The following RPS6KA2 variants were observed in gnomAD, a reference collection of about 807,000 sequenced individuals.
The protein encoded by RPS6KA2 is ribosomal protein S6 kinase A2, also known as ribosomal protein S6 kinase alpha-2.
In RPS6KA2, 42 loss-of-function variants were observed where a neutral mutation model predicts 91.8. The ratio of observed to expected loss-of-function variants is 0.46; its 90% CI spans 0.36 to 0.59. RPS6KA2 has a LOEUF of 0.59. RPS6KA2 is among the 20% of genes least tolerant of loss of function. The pLI, the probability that RPS6KA2 is intolerant of heterozygous loss-of-function variation, is 0.00. For synonymous variants in RPS6KA2, 414 were observed against 393.6 expected (o/e 1.05, Z -0.61); for missense variants, 798 against 978.5 (o/e 0.82, Z 2.46).
intron 2 of RPS6KA2, among the ~76,000 whole-genome samples, chr6:166,714,975 T>A (rs1789971019): frequency 6.6e-6 from 1 of 152,226 alleles, no homozygotes; most frequent in Admixed American, 6.5e-5. Context: ...TCCCTTCCCG[T>A]CCGGCCTGTG....
At position 166,445,436 on chromosome 6, in the gene RPS6KA2, G is replaced by A. The variant is rs551530643; in HGVS notation, c.1332+3288C>T. On this transcript the variant is annotated intron_variant, in intron 14 of 20. Transcript: ENST00000265678. The surrounding 1 kb of genome is among the most constrained non-coding windows in gnomAD (Gnocchi z 4.5). ...GGCTGGGCTTCTCAACCTTTCGTTG[G>A]GGCAGCAGGTTGTGGGGGCTGTCCT... Among the ~76,000 whole-genome samples the A allele has an allele frequency of 8.1e-4, 124 of 152,262 alleles. 1 individual carries two copies. The highest frequency in any genetic ancestry group is 1.6e-3 in the Non-Finnish European group (108 of 68,008).
At chr6:166,485,307 T>G (rs1781367336) in intron 10 of RPS6KA2, among the ~76,000 whole-genome samples, 1 of 152,042 alleles carries the variant, frequency 6.6e-6, no homozygotes. Flanking sequence ...GAGAGATGAG[T>G]GGAAATGGCA....
intron 3 of RPS6KA2, among the ~76,000 whole-genome samples, chr6:166,530,901 C>G (rs948922358): frequency 2.0e-5 from 3 of 152,258 alleles, no homozygotes; most frequent in African/African-American, 7.2e-5. Context: ...CTGCCGGTAT[C>G]GAGGCTGGTT....
intron 10 of RPS6KA2, among the ~76,000 whole-genome samples, chr6:166,487,820 T>C (rs1370018421): frequency 6.6e-6 from 1 of 152,238 alleles, no homozygotes; most frequent in East Asian, 1.9e-4. Context: ...ATCACAGTTA[T>C]ACTTCAATTA....
intron 2 of RPS6KA2, among the ~76,000 whole-genome samples, chr6:166,534,454 C>G (rs759257380): frequency 5.9e-5 from 9 of 152,080 alleles, no homozygotes; most frequent in Non-Finnish European, 1.0e-4. Context: ...TTCACAATAT[C>G]CTGAGTGGGT....
intron 11 of RPS6KA2, chr6:166,465,203 G>C (rs1406648343): frequency 6.6e-6 from 1 of 152,230 alleles, no homozygotes; most frequent in African/African-American, 2.4e-5. Flanking sequence ...ACGGCTTTTG[G>C]TGTTAACAGT....
chr6:166,468,902 A>G (rs1780646376), intron 11 of RPS6KA2, among the ~76,000 whole-genome samples: 2 of 152,008 alleles, frequency 1.3e-5, no homozygotes, highest in African/African-American at 4.8e-5. Flanking sequence ...GAAAGCAGAT[A>G]ATAAACTCTA....
At chr6:166,506,003 A>C (rs985206263) in intron 5 of RPS6KA2, among the ~76,000 whole-genome samples, 1 of 152,192 alleles carries the variant, frequency 6.6e-6, no homozygotes, top group African/African-American at 2.4e-5. Flanking sequence ...AATAGCAGGA[A>C]GTTTCTCCAT....
rs142272173 is a variant in RPS6KA2, at chr6:166,453,126, G to A, written c.1076-1893C>T. ...TGAGGCAGGAGAATTGCATGAACCC[G>A]GGAGGCGGAGGTTGCAGTGAGCCAA... On this transcript the variant is annotated intron_variant, in intron 12 of 20. Coordinates refer to ENST00000265678, the MANE Select transcript of RPS6KA2 (RefSeq NM_021135.6). 1.9e-3 allele frequency among the ~76,000 whole-genome samples: 289 copies of A among 152,038 alleles called. 1 individual carries two copies. The highest frequency in any genetic ancestry group is 2.9e-3 in the Non-Finnish European group (196 of 67,990).
In RPS6KA2 at chr6:166,687,742, A is replaced by G. The variant is rs1031471138; in HGVS notation, c.124-148958T>C. ...ACAAATTTAAGTTGGGCACGTTTAA[A>G]TGAAGCGCAGCATTGCGTCGGCGGC... On this transcript the variant is annotated intron_variant, in intron 2 of 21. Transcript: ENST00000503859. 3.9e-5 allele frequency among the ~76,000 whole-genome samples: 6 copies of G among 152,374 alleles called. 1 individual carries two copies. The highest frequency in any genetic ancestry group is 4.1e-4 in the South Asian group (2 of 4,832).
At chr6:166,416,043 TCCA>T (rs1341622210) in intron 19 of RPS6KA2, among the ~76,000 whole-genome samples, 118 of 134,572 alleles carry the variant, frequency 8.8e-4, no homozygotes, top group Middle Eastern at 4.2e-3. Context: ...CTTCACCACC[TCCA>T]CCATCATCCT....
intron 2 of RPS6KA2, among the ~76,000 whole-genome samples, chr6:166,784,951 G>A (rs1032404031): frequency 1.3e-5 from 2 of 152,236 alleles, no homozygotes; most frequent in African/African-American, 2.4e-5. Flanking sequence ...CTGAGCTGGG[G>A]CTGGGAGGAT....
intron 2 of RPS6KA2, among the ~76,000 whole-genome samples, chr6:166,851,420 G>A (rs376547288): frequency 1.2e-3 from 187 of 152,330 alleles, no homozygotes; most frequent in Non-Finnish European, 2.5e-3. Context: ...GTGATCGGAT[G>A]AGCACAATTT....
At chr6:166,537,294 T>G (rs780357521) in intron 2 of RPS6KA2, among the ~76,000 whole-genome samples, 2 of 152,250 alleles carry the variant, frequency 1.3e-5, no homozygotes, top group Non-Finnish European at 2.9e-5. Context: ...ATGGAGAAAA[T>G]TATTCTCCTC....
At chr6:166,641,397 T>G (rs989218957) in intron 2 of RPS6KA2, among the ~76,000 whole-genome samples, 1 of 151,926 alleles carries the variant, frequency 6.6e-6, no homozygotes, top group Non-Finnish European at 1.5e-5. Flanking sequence ...AAGTAAAACT[T>G]TAAAATTGAA....
At chr6:166,517,464 T>G (rs1562550814) in intron 3 of RPS6KA2, among the ~76,000 whole-genome samples, 76 of 55,330 alleles carry the variant, frequency 1.4e-3, no homozygotes, top group Middle Eastern at 0.012. Context: ...TGTTTTTTTT[T>G]TTTTTTTTTT....
intron 14 of RPS6KA2, among the ~76,000 whole-genome samples, chr6:166,444,748 C>G (rs891889326): frequency 6.6e-6 from 1 of 152,220 alleles, no homozygotes; most frequent in African/African-American, 2.4e-5. Flanking sequence ...GCCTGGGAAT[C>G]CAGGTTGTCA....
intron 2 of RPS6KA2, among the ~76,000 whole-genome samples, chr6:166,817,815 C>T (rs1180736981): frequency 4.0e-5 from 6 of 151,800 alleles, no homozygotes; most frequent in East Asian, 1.9e-4. Context: ...CTCTGCCTCC[C>T]GGGTTCAAGT....
intron 2 of RPS6KA2, among the ~76,000 whole-genome samples, chr6:166,853,165 G>A (rs1054079529): frequency 6.6e-6 from 1 of 152,236 alleles, no homozygotes; most frequent in Non-Finnish European, 1.5e-5. Context: ...CAGGGCAGGT[G>A]TGGTGGCTTA....
Sources: gnomAD v4.1 joint callset for allele counts (sites outside exome capture counted in the v4.1 genomes callset) on GRCh38, gnomAD v4.1.1 for gene constraint, Gnocchi (gnomAD v3.1) non-coding constraint, MANE v1.5 for transcripts, NCBI Gene and HGNC (gene_info 2026-07-23, HGNC 2026-07-21) for gene names.